Variants in RAB2B observed in about 807,000 individuals in gnomAD.
RAB2B encodes the protein RAB2B, member RAS oncogene family.
In RAB2B, 20 loss-of-function variants were observed where a neutral mutation model predicts 29.8. The ratio of observed to expected loss-of-function variants is 0.67; its 90% confidence interval spans 0.47 to 0.97. The LOEUF is 0.97. Among genes scored for constraint, RAB2B ranks in the 50% least tolerant of loss-of-function variants. The pLI is 0.00. For missense variants in RAB2B, 218 were observed against 272.0 expected (o/e 0.80, Z 1.40); for synonymous variants, 93 against 91.7 (o/e 1.01, Z -0.08).
rs56079544 is a variant in RAB2B at position 21,470,384 on chromosome 14, T to C, written c.187-1632A>G. ...TCTTAGTACTTCCTAGGACAAAAAC[T>C]TGTCCTCTTAGCCACTATATCATAT... On this transcript the variant is annotated intron_variant, in intron 3 of 7. Coordinates refer to ENST00000397762, the MANE Select transcript of RAB2B (RefSeq NM_032846.4). Among the ~76,000 whole-genome samples, 339 of 152,306 alleles carry C rather than the reference T, an allele frequency of 2.2e-3. 1 individual carries two copies. The highest frequency in any genetic ancestry group is 3.5e-3 in the Non-Finnish European group (236 of 68,028).
In RAB2B at chr14:21,459,801, A is replaced by G. The variant is rs1890496660; in HGVS notation, c.*1395T>C. 5.2e-6 allele frequency: 1 copy of G among 192,044 alleles called. No individual in the cohort carries two copies. Among genetic ancestry groups the G allele is most frequent in the East Asian group, 1.2e-4 (1 of 8,310 alleles). 11.9% of individuals were successfully genotyped at this position (192,044 alleles called of 1,614,324 possible). A position where few individuals can be genotyped will look rare whatever the true frequency, so the allele number is the denominator to read the frequency against. On this transcript the variant is annotated 3_prime_UTR_variant, in exon 8 of 8. Coordinates refer to ENST00000397762, the MANE Select transcript of RAB2B (RefSeq NM_032846.4). ...AGGGCATGTGCAAAGGTATGGAACT[A>G]GGAATAAATATGTCACATTCAGTAA...
At chr14:21,476,280 GA>G (rs1291156147) in intron 2 of RAB2B, 8 of 432,402 alleles carry the variant, frequency 1.9e-5, no homozygotes, top group South Asian at 9.7e-5. Flanking sequence ...AATTGTATTT[GA>G]AAAAAAATTA....
Position 21,476,789 on chromosome 14 carries a change from C to G in RAB2B, c.46+38G>C, listed in dbSNP as rs1441403286. 7 of 1,601,576 alleles carry G rather than the reference C, an allele frequency of 4.4e-6. No individual in the cohort carries two copies. The African/African-American group carries it at 9.5e-5, about 22-fold the overall frequency. ...CCACCCAATTTGGGAGCTTCGAATG[C>G]CCGCCCGAGCCTTGAAGGCGAACCA... On this transcript the variant is annotated intron_variant, in intron 1 of 7. Transcript: ENST00000397762.
rs1415042374 is a variant in RAB2B, at chr14:21,466,787, A to G, written c.362+1570T>C. Among the ~76,000 whole-genome samples the G allele has an allele frequency of 2.6e-5, 4 of 152,234 alleles. No homozygotes were observed. In the East Asian group the frequency reaches 5.8e-4, roughly 22 times the overall value. On this transcript the variant is annotated intron_variant, in intron 5 of 7. Transcript: ENST00000397762. ...AAAAGCAAGCACTACACAAAAATCAATATGAAATGGGAAATGAGAGTAGCA... is the reference window on the plus strand; with the variant it reads ...AAAAGCAAGCACTACACAAAAATCAGTATGAAATGGGAAATGAGAGTAGCA...
At chr14:21,462,610 C>T (rs1341169105) in intron 6 of RAB2B, among the ~76,000 whole-genome samples, 192 bp from the exon 7 acceptor site, 2 of 151,918 alleles carry the variant, frequency 1.3e-5, no homozygotes, top group Non-Finnish European at 2.9e-5. Context: ...GAGGCCGAGG[C>T]GGGCAAGTCA....
chr14:21,460,843 C>T lies in RAB2B; in HGVS notation c.*353G>A, dbSNP rs1214944103. Reference sequence around the variant, plus strand: ...GGTCAGGCTGGTCTCGAACTCTTGACCTCAGGTGATCTGCCCACCTTGGCC... The same window carrying T: ...GGTCAGGCTGGTCTCGAACTCTTGATCTCAGGTGATCTGCCCACCTTGGCC... On this transcript the variant is annotated 3_prime_UTR_variant, in exon 8 of 8. Coordinates refer to ENST00000397762, the MANE Select transcript of RAB2B (RefSeq NM_032846.4). 6.4e-6 allele frequency: 1 copy of T among 157,210 alleles called. No homozygotes were observed. The highest frequency in any genetic ancestry group is 1.4e-5 in the Non-Finnish European group (1 of 71,506). 9.7% of individuals were successfully genotyped at this position (157,210 alleles called of 1,614,324 possible).
At chr14:21,468,154 T>C (rs1594411504) in intron 5 of RAB2B, among the ~76,000 whole-genome samples, 1 of 152,122 alleles carries the variant, frequency 6.6e-6, no homozygotes, top group Admixed American at 6.6e-5. Context: ...TGTGGAACAA[T>C]GGATATTCTT....
chr14:21,463,040 C>T (rs8013500), intron 6 of RAB2B, among the ~76,000 whole-genome samples: 106,501 of 151,542 alleles, frequency 0.7, 39,004 homozygotes, highest in South Asian at 0.87. Context: ...ATACCATCAA[C>T]ACCAGGCCTA....
At chr14:21,466,087 C>G (rs1890679182) in intron 5 of RAB2B, among the ~76,000 whole-genome samples, 1 of 152,178 alleles carries the variant, frequency 6.6e-6, no homozygotes, top group African/African-American at 2.4e-5. Flanking sequence ...CATCTATGCC[C>G]CCACTAGACT....
intron 3 of RAB2B, among the ~76,000 whole-genome samples, chr14:21,471,530 A>C (rs1284619272): frequency 6.6e-6 from 1 of 151,158 alleles, no homozygotes; most frequent in Admixed American, 6.6e-5. Context: ...AGGTGGGAGG[A>C]CTAGTTGAGC....
intron 5 of RAB2B, among the ~76,000 whole-genome samples, chr14:21,465,563 G>C (rs1343969372): frequency 6.6e-6 from 1 of 152,060 alleles, no homozygotes; most frequent in Non-Finnish European, 1.5e-5. Context: ...GTGGACTATT[G>C]CAACTGGGAT....
Position 21,463,637 on chromosome 14 carries a change from A to T in RAB2B, c.474+19T>A. 1 of 1,471,712 alleles carries T rather than the reference A, an allele frequency of 6.8e-7. No individual in the cohort carries two copies. The highest frequency in any genetic ancestry group is 9.5e-7 in the Non-Finnish European group (1 of 1,050,756). 91.2% of individuals were successfully genotyped at this position (1,471,712 alleles called of 1,614,324 possible). A position where few individuals can be genotyped will look rare whatever the true frequency, so the allele number is the denominator to read the frequency against. On this transcript the variant is annotated intron_variant, in intron 6 of 7. Transcript: ENST00000397762. ...GTGTAATCTCTAAAGAGCTTTCCCC[A>T]CTGTTTTCCAAATAGTACCTCTTCA...
At chr14:21,476,167 G>A (rs758947992) in intron 2 of RAB2B, 36 of 195,836 alleles carry the variant, frequency 1.8e-4, no homozygotes, top group Non-Finnish European at 2.1e-4. Flanking sequence ...CCATGTATTG[G>A]TGTTTACTTT....
At chr14:21,474,013 GAAAAAAAA>G (rs1179485142) in intron 3 of RAB2B, among the ~76,000 whole-genome samples, 1 of 151,266 alleles carries the variant, frequency 6.6e-6, no homozygotes, top group East Asian at 1.9e-4. Context: ...CTCCGTCTCA[GAAAAAAAA>G]TACAAAAAAT....
intron 3 of RAB2B, chr14:21,474,633 AT>A (rs1234853179): frequency 2.2e-6 from 1 of 462,330 alleles, no homozygotes; most frequent in African/African-American, 2.0e-5. Flanking sequence ...ATAAATTTAT[AT>A]TGTTTGATTT....
At chr14:21,467,063 C>A (rs1384592776) in intron 5 of RAB2B, among the ~76,000 whole-genome samples, 1 of 152,120 alleles carries the variant, frequency 6.6e-6, no homozygotes, top group African/African-American at 2.4e-5. Flanking sequence ...CGTGCCACCA[C>A]GCCTGGCTAC....
rs1338715882 is a variant in RAB2B, at chr14:21,476,423, A to G, written c.118+105T>C. The G allele has an allele frequency of 4.7e-6, 6 of 1,270,228 alleles. No individual in the cohort carries two copies. In the East Asian group the frequency reaches 1.4e-4, roughly 30 times the overall value. 78.7% of individuals were successfully genotyped at this position (1,270,228 alleles called of 1,614,324 possible). On this transcript the variant is annotated intron_variant, in intron 2 of 7. Coordinates refer to ENST00000397762, the MANE Select transcript of RAB2B (RefSeq NM_032846.4). ...AAGTTTGGACTAGTTTAAAGTAGTG[A>G]GGGGTAACTTTTTACTTCGAACACT...
intron 7 of RAB2B, 34 bp from the exon 8 acceptor site, chr14:21,461,337 A>C: frequency 6.7e-7 from 1 of 1,482,244 alleles, no homozygotes; most frequent in Non-Finnish European, 9.4e-7. Flanking sequence ...TTCCCACCTC[A>C]GTGTTAAAGT....
intron 3 of RAB2B, among the ~76,000 whole-genome samples, chr14:21,472,364 C>T (rs1260150731): frequency 6.6e-6 from 1 of 152,032 alleles, no homozygotes; most frequent in Non-Finnish European, 1.5e-5. Flanking sequence ...CTTTAAAATA[C>T]CTATCACAGT....
Sources: allele counts gnomAD v4.1 joint callset (sites outside exome capture counted in the v4.1 genomes callset), GRCh38; gene constraint gnomAD v4.1.1; transcripts MANE v1.5; gene names NCBI Gene and HGNC (gene_info 2026-07-23, HGNC 2026-07-21).